Variants in LRP1B observed in about 807,000 individuals in gnomAD.
LRP1B encodes the protein low-density lipoprotein receptor-related protein 1B.
A neutral mutation model predicts 556.6 loss-of-function variants in LRP1B; 217 were observed. The observed-to-expected ratio is 0.39, with a 90% confidence interval of 0.35 to 0.44. LRP1B has a LOEUF of 0.44. Ranked by LOEUF, LRP1B falls within the 20% of genes least tolerant of loss-of-function variation. LRP1B has a pLI of 1.00. For missense variants in LRP1B, 5,053 were observed against 5,620.8 expected (o/e 0.90, Z 3.23); for synonymous variants, 2,047 against 1,865.8 (o/e 1.10, Z -2.50).
chr2:141,926,352 A>C (rs531044408), intron 1 of LRP1B, among the ~76,000 whole-genome samples: 2 of 152,258 alleles, frequency 1.3e-5, no homozygotes, highest in South Asian at 4.1e-4. Context: ...GTTAGTGATT[A>C]TGTTCTGTTT....
At chr2:141,105,335 T>C (rs1009746017) in intron 7 of LRP1B, among the ~76,000 whole-genome samples, 1 of 150,908 alleles carries the variant, frequency 6.6e-6, no homozygotes, top group African/African-American at 2.4e-5. Flanking sequence ...TACTTCAATG[T>C]AATTTTTTTT....
At chr2:140,862,754 T>A (rs1224714706) in intron 27 of LRP1B, among the ~76,000 whole-genome samples, 1 of 152,146 alleles carries the variant, frequency 6.6e-6, no homozygotes, top group Non-Finnish European at 1.5e-5. Flanking sequence ...TATTTCTGGG[T>A]GTGTTTCTGG....
chr2:140,467,446 AT>A (rs112284252), intron 60 of LRP1B, among the ~76,000 whole-genome samples: 2,306 of 151,006 alleles, frequency 0.015, 58 homozygotes, highest in African/African-American at 0.051. Flanking sequence ...TCTAGTAAAA[AT>A]TAAAAAAAAA....
chr2:140,245,479 G>T (rs544522648), intron 87 of LRP1B, among the ~76,000 whole-genome samples: 1 of 151,370 alleles, frequency 6.6e-6, no homozygotes, highest in East Asian at 2.0e-4. Context: ...CTCTAAAAAG[G>T]CTGTTTTCTT....
rs2105464678 is a variant in LRP1B at position 140,716,807 on chromosome 2, G to C, written c.5768C>G (p.Thr1923Ser). Residue 1923 changes from threonine to serine, a missense_variant, in exon 36 of 91, where the codon ACC becomes AGC. Physicochemically the swap from Thr to Ser is moderately conservative, Grantham distance 58 (BLOSUM62 1). Coordinates refer to ENST00000389484, the MANE Select transcript of LRP1B (RefSeq NM_018557.3). ...VGIDFHAEND[T>S]IYWTDMGFNK... ...GAAGCCCATGTCTGTCCAGTAGATGGTATCATTTTCTATGGATAAGACACA... is the reference window on the plus strand; with the variant it reads ...GAAGCCCATGTCTGTCCAGTAGATGCTATCATTTTCTATGGATAAGACACA... The C allele has an allele frequency of 6.3e-7, 1 of 1,592,000 alleles. No individual in the cohort carries two copies. The highest frequency in any genetic ancestry group is 8.6e-7 in the Non-Finnish European group (1 of 1,165,844).
intron 59 of LRP1B, among the ~76,000 whole-genome samples, chr2:140,478,292 G>C (rs1573983539): frequency 6.6e-6 from 1 of 151,938 alleles, no homozygotes; most frequent in East Asian, 1.9e-4. Context: ...TGGGACTACA[G>C]GGGCCCGCCA....
intron 2 of LRP1B, among the ~76,000 whole-genome samples, chr2:141,549,024 G>A (rs1231576936): frequency 6.6e-6 from 1 of 152,086 alleles, no homozygotes; most frequent in African/African-American, 2.4e-5. Context: ...GTCATGATGA[G>A]TTTTTGAACC....
chr2:141,829,274 T>C (rs992646693), intron 1 of LRP1B, among the ~76,000 whole-genome samples: 1 of 152,090 alleles, frequency 6.6e-6, no homozygotes, highest in Non-Finnish European at 1.5e-5. Flanking sequence ...ATAAGATTTT[T>C]ATTTCTCTCA....
intron 49 of LRP1B, among the ~76,000 whole-genome samples, chr2:140,524,745 T>G (rs1690353795): frequency 6.6e-6 from 1 of 151,676 alleles, no homozygotes; most frequent in South Asian, 2.1e-4. Context: ...AGCTAAACAT[T>G]GAGTACACAA....
chr2:140,439,044 C>T (rs1686311432), intron 66 of LRP1B, among the ~76,000 whole-genome samples: 1 of 152,150 alleles, frequency 6.6e-6, no homozygotes, highest in South Asian at 2.1e-4. Flanking sequence ...ATTCTAATAT[C>T]ATCTTATGAA....
At chr2:141,854,129 G>A (rs1697958842) in intron 1 of LRP1B, among the ~76,000 whole-genome samples, 1 of 151,978 alleles carries the variant, frequency 6.6e-6, no homozygotes, top group Admixed American at 6.6e-5. Flanking sequence ...TTGCATTCAT[G>A]TAAACCCTTT....
intron 41 of LRP1B, among the ~76,000 whole-genome samples, chr2:140,602,554 G>A (rs1682713150): frequency 5.3e-5 from 8 of 151,884 alleles, no homozygotes; most frequent in Admixed American, 5.3e-4. Flanking sequence ...ATTACAGACA[G>A]AGCATTTCCC....
At chr2:141,430,521 G>T (rs988700764) in intron 3 of LRP1B, among the ~76,000 whole-genome samples, 2 of 152,054 alleles carry the variant, frequency 1.3e-5, no homozygotes, top group Admixed American at 1.3e-4. Flanking sequence ...CTTACAAAAT[G>T]ACTGACATAC....
At chr2:141,648,962 T>C (rs1689684256) in intron 2 of LRP1B, among the ~76,000 whole-genome samples, 2 of 152,232 alleles carry the variant, frequency 1.3e-5, no homozygotes, top group Admixed American at 6.5e-5. Flanking sequence ...ATTTTAATAG[T>C]TATTTGACAA....
intron 6 of LRP1B, among the ~76,000 whole-genome samples, chr2:141,217,338 G>A (rs1487915605): frequency 6.6e-6 from 1 of 152,132 alleles, no homozygotes; most frequent in Non-Finnish European, 1.5e-5. Flanking sequence ...GTATACATGT[G>A]TTATAATTGG....
At chr2:141,123,502 T>G (rs2105004743) in intron 7 of LRP1B, among the ~76,000 whole-genome samples, 1 of 152,218 alleles carries the variant, frequency 6.6e-6, no homozygotes, top group African/African-American at 2.4e-5. Flanking sequence ...ATCTATGTTT[T>G]GAAAACTGAT....
chr2:140,778,503 T>C (rs1418952911), intron 32 of LRP1B, among the ~76,000 whole-genome samples: 2 of 152,162 alleles, frequency 1.3e-5, no homozygotes, highest in Non-Finnish European at 2.9e-5. Context: ...TTTTTTTATA[T>C]GGTATAATGA....
intron 2 of LRP1B, among the ~76,000 whole-genome samples, chr2:141,587,396 T>C (rs992851230): frequency 1.3e-5 from 2 of 152,238 alleles, no homozygotes; most frequent in African/African-American, 4.8e-5. Flanking sequence ...TTTCTATAAA[T>C]AGTGCTTCTG....
At chr2:140,399,174 C>CACACACACACACACACACACACACACA (rs1684385857) in intron 66 of LRP1B, among the ~76,000 whole-genome samples, 3 of 148,924 alleles carry the variant, frequency 2.0e-5, no homozygotes, top group African/African-American at 7.6e-5. Flanking sequence ...TACACACACA[C>CACACACACACACACACACACACACACA]ACACACACAC....
Sources: allele counts gnomAD v4.1 joint callset (sites outside exome capture counted in the v4.1 genomes callset), GRCh38; gene constraint gnomAD v4.1.1; transcripts MANE v1.5; gene names NCBI Gene and HGNC (gene_info 2026-07-23, HGNC 2026-07-21).